PRAG1: variants seen among roughly 807,000 people sequenced by gnomAD.
PRAG1 encodes PEAK1 related, kinase-activating pseudokinase 1.
PRAG1 carries 110 observed loss-of-function variants against 95.6 expected under a neutral mutation model. That is an observed-to-expected ratio of 1.15 (90% CI 0.99 to 1.35). PRAG1 has a LOEUF of 1.35. Ranked by LOEUF, PRAG1 falls within the 40% of genes most tolerant of loss-of-function variation. PRAG1 has a pLI of 0.00. For synonymous variants in PRAG1, 1,052 were observed against 819.4 expected (o/e 1.28, Z -4.85); for missense variants, 2,554 against 1,864.7 (o/e 1.37, Z -6.81).
rs1026980412 is a variant in PRAG1 at position 8,328,530 on chromosome 8, G to C, written c.2321-69C>G. On this transcript the variant is annotated intron_variant, in intron 4 of 5. Coordinates refer to ENST00000615670, the MANE Select transcript of PRAG1 (RefSeq NM_001080826.3). ...CTCAATTCCAGGGTCCTGCAGACTT[G>C]TTTCCCTTTATTTATTTATTTATTT... is the stretch of plus-strand genomic sequence containing the variant. The C allele has an allele frequency of 3.0e-6, 4 of 1,338,788 alleles. No homozygotes were observed. In the African/African-American group the frequency reaches 4.4e-5, roughly 15 times the overall value. 82.9% of individuals were successfully genotyped at this position (1,338,788 alleles called of 1,614,324 possible). A position where few individuals can be genotyped will look rare whatever the true frequency, so the allele number is the denominator to read the frequency against.
intron 3 of PRAG1, among the ~76,000 whole-genome samples, chr8:8,366,963 G>A (rs1016757552): frequency 1.2e-4 from 19 of 152,036 alleles, no homozygotes; most frequent in African/African-American, 2.4e-4. Flanking sequence ...ATGAGCCACC[G>A]TGCCCAGCTA....
At chr8:8,370,412 C>G (rs967436261) in intron 3 of PRAG1, among the ~76,000 whole-genome samples, 12 of 152,216 alleles carry the variant, frequency 7.9e-5, no homozygotes, top group African/African-American at 2.9e-4. Flanking sequence ...CCAACTTGAC[C>G]TCCAGCCTAC....
chr8:8,385,277 AC>A (rs1563262375), intron 1 of PRAG1, among the ~76,000 whole-genome samples: 1 of 152,230 alleles, frequency 6.6e-6, no homozygotes, highest in African/African-American at 2.4e-5. Context: ...TGACAACTTT[AC>A]CACCCACTAG....
intron 3 of PRAG1, among the ~76,000 whole-genome samples, chr8:8,350,825 A>C (rs1799495597): frequency 6.6e-6 from 1 of 152,176 alleles, no homozygotes; most frequent in South Asian, 2.1e-4. Flanking sequence ...TGCAGTTATT[A>C]GAAAGATTCA....
intron 3 of PRAG1, among the ~76,000 whole-genome samples, chr8:8,358,799 A>T (rs1395770624): frequency 6.6e-6 from 1 of 152,204 alleles, no homozygotes; most frequent in Non-Finnish European, 1.5e-5. Context: ...CACTGGCTGG[A>T]GCTGGACCTC....
rs775463387 is a variant in PRAG1 at position 8,328,009 on chromosome 8, C to G, written c.2773G>C (p.Val925Leu). 1.3e-6 allele frequency: 2 copies of G among 1,587,208 alleles called. No homozygotes were observed. Among genetic ancestry groups the G allele is most frequent in the Non-Finnish European group, 8.6e-7 (1 of 1,165,620 alleles). The change falls in exon 5 of 6, where the codon GTG becomes CTG. Residue 925 changes from valine (V) to leucine (L), a missense_variant. Physicochemically the swap from Val to Leu is conservative, Grantham distance 32. Coordinates refer to ENST00000615670, the MANE Select transcript of PRAG1 (RefSeq NM_001080826.3). ...CTCCCGGTGGAGGCTTGACTGGACACGCTCAGCTGGGAGGATGAGGCGGAG... is the reference window on the plus strand; with the variant it reads ...CTCCCGGTGGAGGCTTGACTGGACAGGCTCAGCTGGGAGGATGAGGCGGAG... ...APSASSSQLS[V>L]SSQASTGSTQ...
rs1260506760 is a variant in PRAG1 at position 8,373,795 on chromosome 8, TA to T, written c.2162+2451del. Among the ~76,000 whole-genome samples the T allele has an allele frequency of 2.6e-5, 4 of 152,160 alleles. No individual in the cohort carries two copies. The East Asian group carries it at 7.7e-4, about 29-fold the overall frequency. On this transcript the variant is annotated intron_variant, in intron 3 of 5. Coordinates refer to ENST00000615670, the MANE Select transcript of PRAG1 (RefSeq NM_001080826.3). ...TTTCTCCTCTAACTTGTTTATTTTT[TA>T]AGAGCTGAAACCTTGAACCTCCAAG...
intron 3 of PRAG1, among the ~76,000 whole-genome samples, chr8:8,348,424 C>T (rs189603040): frequency 6.6e-6 from 1 of 152,310 alleles, no homozygotes; most frequent in East Asian, 1.9e-4. Flanking sequence ...TTCAAATATT[C>T]CCCATAGTCT....
At chr8:8,346,442 G>A (rs1799345488) in intron 3 of PRAG1, among the ~76,000 whole-genome samples, 1 of 152,216 alleles carries the variant, frequency 6.6e-6, no homozygotes, top group South Asian at 2.1e-4. Context: ...ACAGGCCAGT[G>A]GCACGGTGTC....
intron 3 of PRAG1, among the ~76,000 whole-genome samples, chr8:8,367,281 A>C (rs1015743118): frequency 9.9e-5 from 15 of 151,672 alleles, no homozygotes; most frequent in Non-Finnish European, 1.5e-4. Context: ...CAACATGGTG[A>C]ACCCCATCTC....
chr8:8,352,212 T>C (rs546176331), intron 3 of PRAG1, among the ~76,000 whole-genome samples: 1 of 152,322 alleles, frequency 6.6e-6, no homozygotes, highest in African/African-American at 2.4e-5. Context: ...TGGGGCAGCC[T>C]TTTGCCCAAT....
At chr8:8,358,129 C>G (rs1483868434) in intron 3 of PRAG1, among the ~76,000 whole-genome samples, 1 of 152,214 alleles carries the variant, frequency 6.6e-6, no homozygotes, top group Non-Finnish European at 1.5e-5. Flanking sequence ...TAAATTGGGG[C>G]TCCCATAATC....
At chr8:8,374,813 G>T in intron 3 of PRAG1, 1 of 417,250 alleles carries the variant, frequency 2.4e-6, no homozygotes, top group Non-Finnish European at 3.2e-6. Flanking sequence ...GATCACATCA[G>T]TGCCTGAGAC....
At chr8:8,339,067 T>G (rs1363633523) in intron 4 of PRAG1, among the ~76,000 whole-genome samples, 1 of 152,062 alleles carries the variant, frequency 6.6e-6, no homozygotes, top group Non-Finnish European at 1.5e-5. Flanking sequence ...AGTAAGTGTG[T>G]ACATGTGGGT....
At chr8:8,326,242 T>G (rs948376738) in intron 5 of PRAG1, among the ~76,000 whole-genome samples, 24 of 148,162 alleles carry the variant, frequency 1.6e-4, no homozygotes, top group Non-Finnish European at 3.0e-4. Flanking sequence ...TTATATATAC[T>G]GAATATTAAT....
In PRAG1 at chr8:8,318,050, C is replaced by A. The variant is rs1377292326; in HGVS notation, c.*104G>T. 5 of 1,027,608 alleles carry A rather than the reference C, an allele frequency of 4.9e-6. No individual in the cohort carries two copies. Among genetic ancestry groups the A allele is most frequent in the Admixed American group, 3.0e-5 (1 of 33,080 alleles). The allele number at this position is 1,027,608 out of a possible 1,614,324, so 63.7% of individuals were successfully genotyped here. ...TTTATATATTTTACATCCAGGTATCCCAGTCATCTGTACCATTTCCCAGGG... is the reference window on the plus strand; with the variant it reads ...TTTATATATTTTACATCCAGGTATCACAGTCATCTGTACCATTTCCCAGGG... On this transcript the variant is annotated 3_prime_UTR_variant, in exon 6 of 6. Coordinates refer to ENST00000615670, the MANE Select transcript of PRAG1 (RefSeq NM_001080826.3). This position sits in a 1 kb window ranked among gnomAD's most constrained non-coding sequence, Gnocchi z 4.2.
intron 3 of PRAG1, among the ~76,000 whole-genome samples, chr8:8,357,761 C>T (rs970280139): frequency 6.6e-6 from 1 of 152,162 alleles, no homozygotes; most frequent in Non-Finnish European, 1.5e-5. Flanking sequence ...CAGTATTATT[C>T]ACAGTAGCCA....
intron 1 of PRAG1, among the ~76,000 whole-genome samples, 169 bp from the exon 2 acceptor site, chr8:8,382,003 T>G (rs909608923): frequency 2.0e-5 from 3 of 152,192 alleles, no homozygotes; most frequent in Non-Finnish European, 4.4e-5. Context: ...CTCTTAAACA[T>G]TCTCTGGTGG....
rs372329761 is a variant in PRAG1 at position 8,378,046 on chromosome 8, G to A, written c.363C>T (p.Pro121=). The change falls in exon 3 of 6, where the codon CCC becomes CCT. Residue 121 remains proline (P), a synonymous_variant. Transcript: ENST00000615670. ...CGGGGGCATCCTCCTGCTTCGGGAG[G>A]GGGAGCTTGCCAGGGGCTCGTCTCC... ...VIWRRAPGKL[P]LPKQEDAPVV... is the part of the protein sequence containing the mutation. 41 of 1,552,420 alleles carry A rather than the reference G, an allele frequency of 2.6e-5. No individual in the cohort carries two copies. Among genetic ancestry groups the A allele is most frequent in the South Asian group, 1.2e-5 (1 of 80,964 alleles).
Sources: gnomAD v4.1 joint callset for allele counts (sites outside exome capture counted in the v4.1 genomes callset) on GRCh38, gnomAD v4.1.1 for gene constraint, Gnocchi (gnomAD v3.1) non-coding constraint, MANE v1.5 for transcripts, NCBI Gene and HGNC (gene_info 2026-07-23, HGNC 2026-07-21) for gene names.